ORAI2: variants seen among roughly 807,000 people sequenced by gnomAD.
ORAI2 encodes protein orai-2.
ORAI2 carries 10 observed loss-of-function variants against 16.2 expected under a neutral mutation model. That is an observed-to-expected ratio of 0.62 (90% confidence interval 0.38 to 1.04). The LOEUF (loss-of-function observed/expected upper bound fraction) is 1.04, where lower values mean the gene tolerates loss of function less well. Ranked by LOEUF, ORAI2 falls within the 50% of genes least tolerant of loss-of-function variation. ORAI2 has a pLI of 0.01. For synonymous variants in ORAI2, 150 were observed against 157.5 expected, an observed-to-expected ratio of 0.95 and a Z score of 0.35; for missense variants, 238 against 355.5, an observed-to-expected ratio of 0.67 and a Z score of 2.66.
chr7:102,446,801 A>G lies in ORAI2; in HGVS notation c.514A>G (p.Lys172Glu). 6.2e-7 allele frequency: 1 copy of G among 1,614,108 alleles called. No homozygotes were observed. Among genetic ancestry groups the G allele is most frequent in the Non-Finnish European group, 8.5e-7 (1 of 1,180,028 alleles). The change falls in exon 4 of 4, where the codon AAG becomes GAG. Residue 172 changes from lysine to glutamate, a missense_variant. By Grantham distance (56) the Lys-to-Glu change is moderately conservative. Transcript: ENST00000495936. The part of the protein sequence containing the change: ...LAEVVLLCWI[K>E]FLPVDARRQP... ...CGAGGTGGTGCTGCTCTGCTGGATC[A>G]AGTTCCTCCCCGTGGATGCCCGGCG...
intron 1 of ORAI2, among the ~76,000 whole-genome samples, chr7:102,435,256 G>A (rs578045118): frequency 3.3e-5 from 5 of 152,296 alleles, no homozygotes; most frequent in African/African-American, 1.2e-4. Flanking sequence ...TGGTAACACA[G>A]CAGGACCCCA....
intron 3 of ORAI2, among the ~76,000 whole-genome samples, chr7:102,445,480 C>G (rs557648159): frequency 2.7e-4 from 41 of 151,906 alleles, no homozygotes; most frequent in Non-Finnish European, 5.6e-4. Context: ...GACGAGGTCT[C>G]ACTCTGTCAC....
Position 102,451,544 on chromosome 7 carries a change from C to T in ORAI2, c.*4492C>T, listed in dbSNP as rs540961532. On this transcript the variant is annotated 3_prime_UTR_variant, in exon 4 of 4. Coordinates refer to ENST00000495936, the MANE Select transcript of ORAI2 (RefSeq NM_001126340.3). ...GTAGATCACGTGCGGCAGAGACAGCCACTGTCCTGTGTGCGGGTTTTTAAA... is the reference window on the plus strand; with the variant it reads ...GTAGATCACGTGCGGCAGAGACAGCTACTGTCCTGTGTGCGGGTTTTTAAA... The T allele has an allele frequency of 5.9e-5, 9 of 152,330 alleles. No individual in the cohort carries two copies. The highest frequency in any genetic ancestry group is 2.2e-4 in the African/African-American group (9 of 41,542). The allele number at this position is 152,330 out of a possible 1,614,324, so 9.4% of individuals were successfully genotyped here.
intron 3 of ORAI2, 28 bp downstream of exon 3, chr7:102,439,209 C>A: frequency 6.3e-7 from 1 of 1,590,894 alleles, no homozygotes; most frequent in Non-Finnish European, 8.6e-7. Flanking sequence ...GTGAGGAGCA[C>A]ACTGGTCAGA....
Position 102,451,684 on chromosome 7 carries a change from T to C in ORAI2, c.*4632T>C, listed in dbSNP as rs1420383792. 1 of 152,248 alleles carries C rather than the reference T, an allele frequency of 6.6e-6. No individual in the cohort carries two copies. The highest frequency in any genetic ancestry group is 2.4e-5 in the African/African-American group (1 of 41,462). 9.4% of individuals were successfully genotyped at this position (152,248 alleles called of 1,614,324 possible). A position where few individuals can be genotyped will look rare whatever the true frequency, so the allele number is the denominator to read the frequency against. ...TGCAGCCCCTGGCCCTCCCGTGGCATCTGCTGACTGGGGGACCCACATCGT... is the reference window on the plus strand; with the variant it reads ...TGCAGCCCCTGGCCCTCCCGTGGCACCTGCTGACTGGGGGACCCACATCGT... On this transcript the variant is annotated 3_prime_UTR_variant, in exon 4 of 4. Coordinates refer to ENST00000495936, the MANE Select transcript of ORAI2 (RefSeq NM_001126340.3).
chr7:102,442,645 C>T (rs1048866490), intron 3 of ORAI2, among the ~76,000 whole-genome samples: 2 of 151,928 alleles, frequency 1.3e-5, no homozygotes, highest in Admixed American at 1.3e-4. Flanking sequence ...CAAGATCGCT[C>T]TACTGCACTC....
At position 102,454,771 on chromosome 7, in the gene ORAI2, A is replaced by G. The variant is rs4336541; in HGVS notation, c.*7719A>G. On this transcript the variant is annotated 3_prime_UTR_variant, in exon 4 of 4. Transcript: ENST00000495936. ...AAGCTCCAAGAGCATGAGAGTGGGC[A>G]GCCTGGTCTGCTGAGGAAAGTGTCT... 19,093 of 152,352 alleles carry G rather than the reference A, an allele frequency of 0.13. 2,118 individuals carry two copies. Among genetic ancestry groups the G allele is most frequent in the East Asian group, 0.45 (2,339 of 5,168 alleles). The allele number at this position is 152,352 out of a possible 1,614,324, so 9.4% of individuals were successfully genotyped here. A position where few individuals can be genotyped will look rare whatever the true frequency, so the allele number is the denominator to read the frequency against.
At chr7:102,435,532 C>A (rs1047763117) in intron 1 of ORAI2, among the ~76,000 whole-genome samples, 4 of 123,946 alleles carry the variant, frequency 3.2e-5, no homozygotes, top group African/African-American at 1.1e-4. Flanking sequence ...GATTGCCCCC[C>A]CCTCTTTTTT....
At chr7:102,443,116 CTTCTTCTTCTTCTTCTTT>C (rs1225573283) in intron 3 of ORAI2, among the ~76,000 whole-genome samples, 20 of 136,314 alleles carry the variant, frequency 1.5e-4, no homozygotes, top group Middle Eastern at 3.4e-3. Context: ...TCTTCTTCTT[CTTCTTCTTCTTCTTCTTT>C]TTTTTTTTTT....
At position 102,451,939 on chromosome 7, in the gene ORAI2, C is replaced by G. The variant is rs1015008097; in HGVS notation, c.*4887C>G. 6.6e-6 allele frequency: 1 copy of G among 152,272 alleles called. No individual in the cohort carries two copies. The highest frequency in any genetic ancestry group is 2.4e-5 in the African/African-American group (1 of 41,458). The allele number at this position is 152,272 out of a possible 1,614,324, so 9.4% of individuals were successfully genotyped here. A position where few individuals can be genotyped will look rare whatever the true frequency, so the allele number is the denominator to read the frequency against. ...TTCCAGAAACAAAAGAAGGGGCAGC[C>G]CCAGAGGGTGGCTGAGCGACAACAG... On this transcript the variant is annotated 3_prime_UTR_variant, in exon 4 of 4. Coordinates refer to ENST00000495936, the MANE Select transcript of ORAI2 (RefSeq NM_001126340.3).
intron 3 of ORAI2, among the ~76,000 whole-genome samples, chr7:102,441,241 C>T (rs1387081407): frequency 6.7e-6 from 1 of 149,456 alleles, no homozygotes; most frequent in Non-Finnish European, 1.5e-5. Flanking sequence ...ATTGATGGTG[C>T]AATTTAAAAG....
At position 102,446,758 on chromosome 7, in the gene ORAI2, C is replaced by A; in HGVS notation, c.471C>A (p.Gly157=). The part of the protein sequence containing the change: ...ELAWGFSTVL[G]ILLFLAEVVL... ...CCTGGGGCTTCTCCACCGTGCTTGG[C>A]ATCCTACTCTTCCTGGCCGAGGTGG... The change falls in exon 4 of 4, where the codon GGC becomes GGA. Residue 157 remains glycine (G), a synonymous_variant. Transcript: ENST00000495936. 1 of 1,614,176 alleles carries A rather than the reference C, an allele frequency of 6.2e-7. No homozygotes were observed. The highest frequency in any genetic ancestry group is 8.5e-7 in the Non-Finnish European group (1 of 1,180,044).
chr7:102,443,078 T>G (rs1203348189), intron 3 of ORAI2, among the ~76,000 whole-genome samples: 1 of 147,610 alleles, frequency 6.8e-6, no homozygotes, highest in Non-Finnish European at 1.5e-5. Context: ...CAGTGAAAAA[T>G]TGCCTTCTCT....
chr7:102,442,559 C>T lies in ORAI2; in HGVS notation c.225+3378C>T, dbSNP rs547337130. Among the ~76,000 whole-genome samples, 24 of 152,174 alleles carry T rather than the reference C, an allele frequency of 1.6e-4. No homozygotes were observed. The South Asian group carries it at 5.0e-3, about 32-fold the overall frequency. On this transcript the variant is annotated intron_variant, in intron 3 of 3. Coordinates refer to ENST00000495936, the MANE Select transcript of ORAI2 (RefSeq NM_001126340.3). ...AAGATCAGCCATGCGTGGTGGCACA[C>T]GCCTGTAGTCCCAGCTACTCGGGAG...
In ORAI2 at chr7:102,450,545, A is replaced by G. The variant is rs1399189805; in HGVS notation, c.*3493A>G. 6.6e-6 allele frequency: 1 copy of G among 152,296 alleles called. No homozygotes were observed. Among genetic ancestry groups the G allele is most frequent in the Non-Finnish European group, 1.5e-5 (1 of 68,078 alleles). The allele number at this position is 152,296 out of a possible 1,614,324, so 9.4% of individuals were successfully genotyped here. A position where few individuals can be genotyped will look rare whatever the true frequency, so the allele number is the denominator to read the frequency against. Reference sequence around the variant, plus strand: ...CCAGGCAGGTATTAAGTGCCCAGTGATGGTGGCACATGGGTGGGGACGGAG... The same window carrying G: ...CCAGGCAGGTATTAAGTGCCCAGTGGTGGTGGCACATGGGTGGGGACGGAG... On this transcript the variant is annotated 3_prime_UTR_variant, in exon 4 of 4. Coordinates refer to ENST00000495936, the MANE Select transcript of ORAI2 (RefSeq NM_001126340.3).
intron 2 of ORAI2, among the ~76,000 whole-genome samples, chr7:102,438,248 T>C (rs2133222724): frequency 6.7e-6 from 1 of 149,438 alleles, no homozygotes; most frequent in South Asian, 2.1e-4. Flanking sequence ...CTTGGGAGGC[T>C]GAGGCAGGAG....
intron 3 of ORAI2, among the ~76,000 whole-genome samples, chr7:102,440,504 G>A (rs1047872486): frequency 1.3e-5 from 2 of 152,172 alleles, no homozygotes; most frequent in African/African-American, 4.8e-5. Context: ...TATGCTCACA[G>A]GTCCTATTGG....
At position 102,456,702 on chromosome 7, in the gene ORAI2, T is replaced by A. The variant is rs539389003; in HGVS notation, c.*9650T>A. 2.6e-5 allele frequency: 4 copies of A among 152,330 alleles called. No individual in the cohort carries two copies. In the East Asian group the frequency reaches 7.7e-4, roughly 29 times the overall value. 9.4% of individuals were successfully genotyped at this position (152,330 alleles called of 1,614,324 possible). ...TGAAGCTGTTCCCAGCTCTTTAGTC[T>A]AAACTTCAAATCTTCAACCCTGTTC... On this transcript the variant is annotated 3_prime_UTR_variant, in exon 4 of 4. Transcript: ENST00000495936.
chr7:102,453,331 G>A lies in ORAI2; in HGVS notation c.*6279G>A, dbSNP rs543016582. On this transcript the variant is annotated 3_prime_UTR_variant, in exon 4 of 4. Coordinates refer to ENST00000495936, the MANE Select transcript of ORAI2 (RefSeq NM_001126340.3). Reference sequence around the variant, plus strand: ...TCATCACACTGGCCAGGCTGGTTTCGAACTCCTGGCCTCAAGTGATCCGCT... The same window carrying A: ...TCATCACACTGGCCAGGCTGGTTTCAAACTCCTGGCCTCAAGTGATCCGCT... The A allele has an allele frequency of 3.9e-5, 6 of 152,234 alleles. No homozygotes were observed. Among genetic ancestry groups the A allele is most frequent in the East Asian group, 1.9e-4 (1 of 5,180 alleles). The allele number at this position is 152,234 out of a possible 1,614,324, so 9.4% of individuals were successfully genotyped here.
Sources: allele counts gnomAD v4.1 joint callset (sites outside exome capture counted in the v4.1 genomes callset), GRCh38; gene constraint gnomAD v4.1.1; transcripts MANE v1.5; gene names NCBI Gene and HGNC (gene_info 2026-07-23, HGNC 2026-07-21).